NLRP4: variants seen among roughly 807,000 people sequenced by gnomAD.
The protein encoded by NLRP4 is NLR family pyrin domain containing 4.
NLRP4 carries 44 observed loss-of-function variants against 84.7 expected under a neutral mutation model. That is an observed-to-expected ratio of 0.52 (90% CI 0.41 to 0.67). The LOEUF (loss-of-function observed/expected upper bound fraction) is 0.67. Among genes scored for constraint, NLRP4 ranks in the 30% least tolerant of loss-of-function variants. NLRP4 has a pLI of 0.00. For missense variants in NLRP4, 1,260 were observed against 1,219.4 expected (o/e 1.03, Z -0.50); for synonymous variants, 544 against 476.4 (o/e 1.14, Z -1.85).
rs56806641 is a variant in NLRP4, at chr19:55,881,136, C to CGTGTGTGT, written c.2868-311_2868-304dup. Among the ~76,000 whole-genome samples, 285 of 139,582 alleles carry CGTGTGTGT rather than the reference C, an allele frequency of 2.0e-3. 1 individual carries two copies. Among genetic ancestry groups the CGTGTGTGT allele is most frequent in the African/African-American group, 5.2e-3 (198 of 37,812 alleles). The allele number at this position is 139,582 out of a possible 152,430, so 91.6% of individuals were successfully genotyped here. A position where few individuals can be genotyped will look rare whatever the true frequency, so the allele number is the denominator to read the frequency against. On this transcript the variant is annotated intron_variant, in intron 9 of 9. Transcript: ENST00000301295. ...AGCTCCTACAAGCTGGTGAGAGCCACGTGTGTGTGTGTGTGTGTGTGTGTG... is the reference window on the plus strand; with the variant it reads ...AGCTCCTACAAGCTGGTGAGAGCCACGTGTGTGTGTGTGTGTGTGTGTGTGTGTGTGTG...
At chr19:55,843,423 TCA>T (rs1361399676) in intron 1 of NLRP4, among the ~76,000 whole-genome samples, 13 of 152,154 alleles carry the variant, frequency 8.5e-5, no homozygotes, top group South Asian at 6.2e-4. Flanking sequence ...GCACAGTGGC[TCA>T]CACACCTGTA....
In NLRP4 at chr19:55,843,812, A is replaced by G. The variant is rs144243034; in HGVS notation, c.-66+6878A>G. 2.6e-5 allele frequency among the ~76,000 whole-genome samples: 4 copies of G among 152,202 alleles called. No homozygotes were observed. In the East Asian group the frequency reaches 7.7e-4, roughly 29 times the overall value. On this transcript the variant is annotated intron_variant, in intron 1 of 9. Coordinates refer to ENST00000301295, the MANE Select transcript of NLRP4 (RefSeq NM_134444.5). ...ACCACAATTACTTTTGCACCAACCT[A>G]ATAAAACATACTACATCTGGTCCAC...
intron 7 of NLRP4, among the ~76,000 whole-genome samples, chr19:55,871,203 G>A (rs1294659655): frequency 6.6e-6 from 1 of 152,270 alleles, no homozygotes; most frequent in East Asian, 1.9e-4. Context: ...TTAATATGTT[G>A]CAAAGAGTTC....
Position 55,857,904 on chromosome 19 carries a change from G to T in NLRP4, c.511G>T (p.Ala171Ser). 6.2e-7 allele frequency: 1 copy of T among 1,614,144 alleles called. No individual in the cohort carries two copies. The change falls in exon 3 of 10, where the codon GCC (alanine) becomes TCC (serine). Residue 171 changes from alanine (A) to serine (S), a missense_variant. This residue lies in a region of NLRP4 where 712 missense variants were observed against 669.2 expected (regional missense o/e 1.06). Transcript: ENST00000301295. Reference sequence around the variant, plus strand: ...GACACTCCTGATGAAGCTGATGATGGCCTGGTCGGACAACAAGATCTTTCG... The same window carrying T: ...GACACTCCTGATGAAGCTGATGATGTCCTGGTCGGACAACAAGATCTTTCG... ...KTTLLMKLMMAWSDNKIFRDR... is the reference protein window; with the variant it reads ...KTTLLMKLMMSWSDNKIFRDR...
Position 55,852,055 on chromosome 19 carries a change from G to T in NLRP4, c.-26G>T, listed in dbSNP as rs1020045012. On this transcript the variant is annotated 5_prime_UTR_variant, in exon 2 of 10. In the 5' UTR this introduces an upstream ATG that the reference lacks. Transcript: ENST00000301295. ...TTGTTCCTGGTCACTGTCTCTTTGAGGATTGGTATCTCTGCTCCAGAAAAG... is the reference window on the plus strand; with the variant it reads ...TTGTTCCTGGTCACTGTCTCTTTGATGATTGGTATCTCTGCTCCAGAAAAG... 8 of 1,563,806 alleles carry T rather than the reference G, an allele frequency of 5.1e-6. No individual in the cohort carries two copies. Among genetic ancestry groups the T allele is most frequent in the South Asian group, 3.6e-5 (3 of 83,434 alleles).
chr19:55,844,174 T>C (rs977855315), intron 1 of NLRP4, among the ~76,000 whole-genome samples: 6 of 152,204 alleles, frequency 3.9e-5, no homozygotes, highest in African/African-American at 1.4e-4. Flanking sequence ...TTTATTCCTC[T>C]CTATTAACTT....
intron 2 of NLRP4, among the ~76,000 whole-genome samples, chr19:55,856,511 CT>C (rs71182923): frequency 0.055 from 6,215 of 112,170 alleles, 148 homozygotes; most frequent in African/African-American, 0.14. Flanking sequence ...GTTGCTGGAT[CT>C]TTTTTTTTTT....
At chr19:55,876,792 T>A (rs750055225) in intron 7 of NLRP4, among the ~76,000 whole-genome samples, 1 of 152,204 alleles carries the variant, frequency 6.6e-6, no homozygotes, top group African/African-American at 2.4e-5. Context: ...TTTTTTCGTT[T>A]GTATTTTTTA....
intron 1 of NLRP4, among the ~76,000 whole-genome samples, chr19:55,838,829 A>G (rs1435292805): frequency 6.6e-6 from 1 of 152,172 alleles, no homozygotes; most frequent in Non-Finnish European, 1.5e-5. Context: ...TAACCACACT[A>G]TATAAAAAAC....
chr19:55,841,677 A>G (rs1338956171), intron 1 of NLRP4, among the ~76,000 whole-genome samples: 1 of 152,130 alleles, frequency 6.6e-6, no homozygotes, highest in African/African-American at 2.4e-5. Flanking sequence ...CCTGGCTAAC[A>G]TGGTGAAACC....
At chr19:55,838,035 C>CCAAAAAAAAAAAAAAAAACGGAA (rs59078329) in intron 1 of NLRP4, among the ~76,000 whole-genome samples, 1 of 132,656 alleles carries the variant, frequency 7.5e-6, no homozygotes, top group African/African-American at 3.0e-5. Context: ...GACTCGGTCT[C>CCAAAAAAAAAAAAAAAAACGGAA]AAGCTGGATG....
chr19:55,841,720 C>T (rs1242963187), intron 1 of NLRP4, among the ~76,000 whole-genome samples: 1 of 151,946 alleles, frequency 6.6e-6, no homozygotes, highest in African/African-American at 2.4e-5. Flanking sequence ...AAAAAGTTAG[C>T]CGGGCATGGT....
intron 1 of NLRP4, among the ~76,000 whole-genome samples, chr19:55,837,884 A>C (rs955622756): frequency 6.6e-6 from 1 of 152,004 alleles, no homozygotes; most frequent in Non-Finnish European, 1.5e-5. Context: ...AAAAATACAA[A>C]AATCAGCTGG....
rs771287975 is a variant in NLRP4, at chr19:55,858,346, C to G, written c.953C>G (p.Pro318Arg). 1.9e-6 allele frequency: 3 copies of G among 1,614,078 alleles called. No homozygotes were observed. Among genetic ancestry groups the G allele is most frequent in the South Asian group, 1.1e-5 (1 of 91,072 alleles). Residue 318 changes from proline (P) to arginine (R), a missense_variant, in exon 3 of 10, where the codon CCG (proline) becomes CGG (arginine). By Grantham distance (103) the Pro-to-Arg change is moderately radical (BLOSUM62 -2). This residue lies in a region of NLRP4 where 712 missense variants were observed against 669.2 expected (regional missense o/e 1.06). Transcript: ENST00000301295. This position sits in a 1 kb window ranked among gnomAD's most constrained non-coding sequence, Gnocchi z 4.2. ...LVYFCCFFKD[P>R]KRAMEAFNLV... Reference sequence around the variant, plus strand: ...TATTTCTGCTGTTTCTTCAAAGACCCGAAAAGAGCCATGGAAGCCTTCAAT... The same window carrying G: ...TATTTCTGCTGTTTCTTCAAAGACCGGAAAAGAGCCATGGAAGCCTTCAAT...
At chr19:55,846,960 T>C (rs965162836) in intron 1 of NLRP4, among the ~76,000 whole-genome samples, 7 of 152,184 alleles carry the variant, frequency 4.6e-5, no homozygotes, top group African/African-American at 1.7e-4. Flanking sequence ...AGTCTTGTTC[T>C]GTCACCCAGG....
chr19:55,846,072 T>A (rs1983782798), intron 1 of NLRP4, among the ~76,000 whole-genome samples: 1 of 152,202 alleles, frequency 6.6e-6, no homozygotes, highest in Admixed American at 6.6e-5. Context: ...CATTGCTTGG[T>A]GTTTTAGACA....
intron 3 of NLRP4, among the ~76,000 whole-genome samples, chr19:55,860,187 G>A (rs1033528102): frequency 1.3e-4 from 19 of 151,890 alleles, no homozygotes; most frequent in Admixed American, 9.8e-4. Flanking sequence ...GGGTTTCACC[G>A]TGTTGGCCAG....
chr19:55,866,730 G>C (rs1418721900), intron 5 of NLRP4, among the ~76,000 whole-genome samples: 3 of 152,162 alleles, frequency 2.0e-5, no homozygotes, highest in African/African-American at 7.2e-5. Context: ...ATTCCACTTG[G>C]CGGGCACACA....
intron 1 of NLRP4, among the ~76,000 whole-genome samples, chr19:55,845,874 GT>G (rs1449482981): frequency 7.2e-6 from 1 of 138,838 alleles, no homozygotes; most frequent in Non-Finnish European, 1.5e-5. Flanking sequence ...TGATGGGGTT[GT>G]TTTTTTCTTG....
Sources: allele counts gnomAD v4.1 joint callset (sites outside exome capture counted in the v4.1 genomes callset), GRCh38; gene constraint gnomAD v4.1.1; regional missense constraint gnomAD v4.1.1; non-coding constraint Gnocchi (gnomAD v3.1); transcripts MANE v1.5; gene names NCBI Gene and HGNC (gene_info 2026-07-23, HGNC 2026-07-21).